The following FNDC3A variants were observed in gnomAD, a reference collection of about 807,000 sequenced individuals.
The protein encoded by FNDC3A is fibronectin type-III domain-containing protein 3A.
In FNDC3A, 32 loss-of-function variants were observed where a neutral mutation model predicts 148.9. That is an observed-to-expected ratio of 0.21 (90% CI 0.16 to 0.29). The LOEUF (loss-of-function observed/expected upper bound fraction) is 0.29, where lower values mean the gene tolerates loss of function less well. Among genes scored for constraint, FNDC3A ranks in the 10% least tolerant of loss-of-function variants. The pLI, the probability that FNDC3A is intolerant of heterozygous loss-of-function variation, is 1.00. For synonymous variants in FNDC3A, 472 were observed against 473.6 expected, an observed-to-expected ratio of 1.00 and a Z score of 0.04; for missense variants, 1,191 against 1,452.8, an observed-to-expected ratio of 0.82 and a Z score of 2.93.
At chr13:49,022,032 G>A (rs938202733) in intron 2 of FNDC3A, among the ~76,000 whole-genome samples, 1 of 152,084 alleles carries the variant, frequency 6.6e-6, no homozygotes, top group Non-Finnish European at 1.5e-5. Flanking sequence ...TTGTAAAAAG[G>A]TATTTTTTTC....
chr13:48,976,576 G>C (rs1015221299), intron 1 of FNDC3A: 3 of 152,400 alleles, frequency 2.0e-5, no homozygotes, highest in African/African-American at 7.2e-5. Flanking sequence ...CGTAGCTCCG[G>C]AGGGCTCGGG....
At position 49,136,452 on chromosome 13, in the gene FNDC3A, C is replaced by T. The variant is rs759992285; in HGVS notation, c.611C>T (p.Pro204Leu). 1.9e-6 allele frequency: 3 copies of T among 1,613,884 alleles called. No individual in the cohort carries two copies. The highest frequency in any genetic ancestry group is 2.2e-5 in the East Asian group (1 of 44,872). ...QGTQKDKMSS[P>L]PSSPQKCPSP... is the part of the protein sequence containing the mutation. ...ACACAGAAAGATAAAATGAGCAGTC[C>T]ACCATCATCACCCCAGAAATGCCCT... Residue 204 changes from proline to leucine, a missense_variant, in exon 6 of 26, where the codon CCA becomes CTA. By Grantham distance (98) the Pro-to-Leu change is moderately conservative. Coordinates refer to ENST00000492622, the MANE Select transcript of FNDC3A (RefSeq NM_001079673.2).
intron 1 of FNDC3A, among the ~76,000 whole-genome samples, chr13:49,003,875 A>T (rs1486078946): frequency 6.6e-6 from 1 of 152,206 alleles, no homozygotes; most frequent in Non-Finnish European, 1.5e-5. Flanking sequence ...TGATCCAAAC[A>T]TTAATATTTC....
chr13:49,168,020 TA>T (rs1404123563), intron 9 of FNDC3A, among the ~76,000 whole-genome samples: 5 of 152,224 alleles, frequency 3.3e-5, no homozygotes, highest in Non-Finnish European at 7.3e-5. Flanking sequence ...AGAACTTAGA[TA>T]ATGTTTTACT....
intron 4 of FNDC3A, among the ~76,000 whole-genome samples, chr13:49,115,378 T>C (rs1267719937): frequency 6.6e-6 from 1 of 152,194 alleles, no homozygotes; most frequent in Non-Finnish European, 1.5e-5. Context: ...TTTGCCTCAA[T>C]CTATTTTGGG....
chr13:49,053,612 C>G (rs749687256), intron 2 of FNDC3A, among the ~76,000 whole-genome samples: 25 of 152,034 alleles, frequency 1.6e-4, no homozygotes, highest in Non-Finnish European at 3.2e-4. Flanking sequence ...TAGGTGGATT[C>G]AACTATTTTC....
chr13:49,055,116 T>C (rs1876129833), intron 2 of FNDC3A, among the ~76,000 whole-genome samples: 1 of 152,064 alleles, frequency 6.6e-6, no homozygotes. Flanking sequence ...TTTTTTTTCT[T>C]TTTTAGAGAC....
chr13:49,016,246 G>T (rs1048345939), intron 2 of FNDC3A, among the ~76,000 whole-genome samples: 20 of 152,070 alleles, frequency 1.3e-4, no homozygotes, highest in Non-Finnish European at 2.4e-4. Context: ...ACTCTTTTTG[G>T]TTGGTAAGCT....
intron 17 of FNDC3A, 103 bp from the exon 18 acceptor site, chr13:49,190,912 T>TA: frequency 1.5e-6 from 1 of 681,106 alleles, no homozygotes; most frequent in Non-Finnish European, 2.5e-6. Context: ...AATTTCAAAT[T>TA]ATCAGTGCAA....
chr13:49,118,387 A>G (rs543857729), intron 4 of FNDC3A, among the ~76,000 whole-genome samples: 3 of 152,260 alleles, frequency 2.0e-5, no homozygotes, highest in African/African-American at 7.2e-5. Context: ...TTCGGTGCCT[A>G]TACCACCAGG....
intron 1 of FNDC3A, among the ~76,000 whole-genome samples, chr13:48,987,412 G>C (rs1951826745): frequency 6.6e-6 from 1 of 152,148 alleles, no homozygotes; most frequent in African/African-American, 2.4e-5. Flanking sequence ...TTCCTTTGAA[G>C]TCTATTTTAA....
chr13:49,026,966 A>G (rs913303449), intron 2 of FNDC3A, among the ~76,000 whole-genome samples: 13 of 152,312 alleles, frequency 8.5e-5, no homozygotes, highest in Admixed American at 7.2e-4. Flanking sequence ...CCAAGCATAA[A>G]GTCCAGAGGA....
chr13:49,186,029 T>G lies in FNDC3A; in HGVS notation c.1683T>G (p.Pro561=), dbSNP rs1449762518. The part of the protein sequence containing the change: ...PSEVVEFTTC[P]DKPGIPVKPS... ...AAGTAGTAGAATTTACTACTTGCCCTGATAAACCAGGCATACCTGTAAAGC... is the reference window on the plus strand; with the variant it reads ...AAGTAGTAGAATTTACTACTTGCCCGGATAAACCAGGCATACCTGTAAAGC... Residue 561 remains proline, a synonymous_variant, in exon 15 of 26, where the codon CCT becomes CCG. Coordinates refer to ENST00000492622, the MANE Select transcript of FNDC3A (RefSeq NM_001079673.2). The G allele has an allele frequency of 1.9e-6, 3 of 1,612,378 alleles. No homozygotes were observed. The highest frequency in any genetic ancestry group is 1.7e-6 in the Non-Finnish European group (2 of 1,178,562).
At chr13:49,078,048 T>G (rs1231269135) in intron 3 of FNDC3A, among the ~76,000 whole-genome samples, 2 of 152,208 alleles carry the variant, frequency 1.3e-5, no homozygotes, top group Non-Finnish European at 2.9e-5. Context: ...TCAAATTGTT[T>G]TCAATAAATA....
chr13:49,152,787 C>G (rs1451428549), intron 8 of FNDC3A, among the ~76,000 whole-genome samples: 1 of 150,712 alleles, frequency 6.6e-6, no homozygotes, highest in Admixed American at 6.6e-5. Context: ...TTTGTTCTTG[C>G]GATAGTTTAC....
At chr13:49,090,352 TGCAGTGA>T (rs972562793) in intron 3 of FNDC3A, among the ~76,000 whole-genome samples, 1 of 152,092 alleles carries the variant, frequency 6.6e-6, no homozygotes, top group Non-Finnish European at 1.5e-5. Context: ...AGGTAGAAGT[TGCAGTGA>T]GCCAAGATCA....
chr13:49,073,735 TATATA>T (rs1165469427), intron 2 of FNDC3A, among the ~76,000 whole-genome samples: 20 of 146,598 alleles, frequency 1.4e-4, no homozygotes, highest in South Asian at 1.0e-3. Flanking sequence ...TATATATGTA[TATATA>T]ATATATGTGT....
At chr13:48,989,223 CAT>C (rs1237246098) in intron 1 of FNDC3A, among the ~76,000 whole-genome samples, 3 of 152,196 alleles carry the variant, frequency 2.0e-5, no homozygotes, top group Non-Finnish European at 4.4e-5. Flanking sequence ...CCCTTAGCCA[CAT>C]GTTATAACAA....
At chr13:48,976,927 A>G (rs1951615264) in intron 1 of FNDC3A, 1 of 152,244 alleles carries the variant, frequency 6.6e-6, no homozygotes, top group South Asian at 2.1e-4. Context: ...GGTAAAGGAA[A>G]ATGAACAGAT....
Sources: gnomAD v4.1 joint callset for allele counts (sites outside exome capture counted in the v4.1 genomes callset) on GRCh38, gnomAD v4.1.1 for gene constraint, MANE v1.5 for transcripts, NCBI Gene and HGNC (gene_info 2026-07-23, HGNC 2026-07-21) for gene names.